Variants in PCDHA11 observed in about 807,000 individuals in gnomAD.
PCDHA11 encodes the protein protocadherin alpha-11.
In PCDHA11, 61 loss-of-function variants were observed where a neutral mutation model predicts 70.3. The observed-to-expected ratio is 0.87, with a 90% CI of 0.71 to 1.07. The LOEUF is 1.07. Ranked by LOEUF, PCDHA11 falls within the 50% of genes least tolerant of loss-of-function variation. PCDHA11 has a pLI of 0.00. For missense variants in PCDHA11, 1,324 were observed against 1,237.5 expected, an observed-to-expected ratio of 1.07 and a Z score of -1.05; for synonymous variants, 633 against 555.1, an observed-to-expected ratio of 1.14 and a Z score of -1.97.
Position 140,999,523 on chromosome 5 carries a change from C to A in PCDHA11, c.2540-10104C>A, listed in dbSNP as rs115576128. On this transcript the variant is annotated intron_variant, in intron 3 of 3. Coordinates refer to ENST00000398640, the MANE Select transcript of PCDHA11 (RefSeq NM_018902.5). ...AACCTACATTTTAAGCATTTTGTTA[C>A]CCCCTGGATATGACAGCCAATGAAG... is the stretch of plus-strand genomic sequence containing the variant. Among the ~76,000 whole-genome samples, 464 of 152,142 alleles carry A rather than the reference C, an allele frequency of 3.0e-3. 6 individuals carry two copies. Among genetic ancestry groups the A allele is most frequent in the Middle Eastern group, 0.01 (3 of 294 alleles).
chr5:140,929,022 C>T (rs17844367), intron 1 of PCDHA11: 4 of 1,614,172 alleles, frequency 2.5e-6, no homozygotes, highest in Admixed American at 3.3e-5. Context: ...TGCACCAGAG[C>T]CCAGGCTGTT....
chr5:140,938,468 A>G (rs1427570517), intron 1 of PCDHA11, among the ~76,000 whole-genome samples: 1 of 152,096 alleles, frequency 6.6e-6, no homozygotes, highest in African/African-American at 2.4e-5. Context: ...TTAATTTATT[A>G]TGTTTTTTAA....
chr5:140,968,125 TAC>T, intron 1 of PCDHA11: 1 of 1,614,174 alleles, frequency 6.2e-7, no homozygotes, highest in Non-Finnish European at 8.5e-7. Context: ...CATCCCTGCG[TAC>T]ACTGAAGGTT....
At chr5:140,880,870 G>T (rs1413243877) in intron 1 of PCDHA11, among the ~76,000 whole-genome samples, 1 of 152,142 alleles carries the variant, frequency 6.6e-6, no homozygotes, top group East Asian at 1.9e-4. Context: ...ATGTGAAGAG[G>T]TAAATAAAGA....
rs782792374 is a variant in PCDHA11, at chr5:140,869,589, T to C, written c.486T>C (p.Ile162=). The C allele has an allele frequency of 2.5e-6, 4 of 1,614,002 alleles. No individual in the cohort carries two copies. The African/African-American group carries it at 4.0e-5, about 16-fold the overall frequency. Residue 162 remains isoleucine, a synonymous_variant, in exon 1 of 4, where the codon ATT becomes ATC. Coordinates refer to ENST00000398640, the MANE Select transcript of PCDHA11 (RefSeq NM_018902.5). ...FPLEGASDAD[I]EENALLTYRL... ...TAGAGGGAGCTTCTGATGCTGACAT[T>C]GAAGAGAATGCTCTATTGACCTACA...
chr5:140,913,471 C>G (rs2076351409), intron 1 of PCDHA11, among the ~76,000 whole-genome samples: 1 of 152,010 alleles, frequency 6.6e-6, no homozygotes, highest in South Asian at 2.1e-4. Context: ...TGGGTCTTCT[C>G]TCTTTTTTTC....
intron 1 of PCDHA11, among the ~76,000 whole-genome samples, chr5:140,890,175 A>G (rs1488442027): frequency 6.6e-6 from 1 of 152,158 alleles, no homozygotes; most frequent in Non-Finnish European, 1.5e-5. Context: ...GAAATAGGCA[A>G]ATGCTACAAA....
chr5:140,922,786 G>A (rs1397049612), intron 1 of PCDHA11, among the ~76,000 whole-genome samples: 2 of 152,198 alleles, frequency 1.3e-5, no homozygotes, highest in African/African-American at 4.8e-5. Context: ...AGAGAAAACT[G>A]TAGCTTTGGA....
At chr5:140,882,300 C>T in intron 1 of PCDHA11, 2 of 1,613,722 alleles carry the variant, frequency 1.2e-6, no homozygotes, top group Non-Finnish European at 1.7e-6. Context: ...GGCCCAAGAC[C>T]GCGGCAACTA....
intron 3 of PCDHA11, chr5:140,988,965 TG>T (rs1227130828): frequency 6.6e-6 from 1 of 152,162 alleles, no homozygotes; most frequent in Non-Finnish European, 1.5e-5. Context: ...AGCCCCACGA[TG>T]GAGAGAAGCA....
intron 1 of PCDHA11, chr5:140,877,591 G>GT: frequency 6.2e-7 from 1 of 1,613,852 alleles, no homozygotes; most frequent in Non-Finnish European, 8.5e-7. Context: ...CATCTGTGCG[G>GT]TGTCCAGCCT....
At position 141,009,636 on chromosome 5, in the gene PCDHA11, C is replaced by T. The variant is rs782321757; in HGVS notation, c.2549C>T (p.Ala850Val). ...ATGTTTTGTCTTTCAGAACCAGAGG[C>T]AGGAGAAGTGTCCCCTCCAGTCGGT... ...TVSSATPEPE[A>V]GEVSPPVGAG... Residue 850 changes from alanine (A) to valine (V), a missense_variant, in exon 4 of 4, where the codon GCA becomes GTA. Physicochemically the swap from Ala to Val is moderately conservative, Grantham distance 64. Transcript: ENST00000398640. 3.7e-6 allele frequency: 6 copies of T among 1,613,192 alleles called. No homozygotes were observed. Among genetic ancestry groups the T allele is most frequent in the Non-Finnish European group, 4.2e-6 (5 of 1,179,532 alleles).
At chr5:140,897,086 T>G (rs527763854) in intron 1 of PCDHA11, among the ~76,000 whole-genome samples, 379 of 152,296 alleles carry the variant, frequency 2.5e-3, no homozygotes, top group African/African-American at 8.4e-3. Context: ...TTCTATTTTT[T>G]ATCCTCATTA....
intron 1 of PCDHA11, among the ~76,000 whole-genome samples, chr5:140,934,631 G>A (rs2089960013): frequency 6.6e-6 from 1 of 151,984 alleles, no homozygotes; most frequent in African/African-American, 2.4e-5. Flanking sequence ...GTTCACACAG[G>A]AAAGGCAGGA....
At chr5:140,907,857 G>C (rs1554193158) in intron 1 of PCDHA11, among the ~76,000 whole-genome samples, 1 of 152,210 alleles carries the variant, frequency 6.6e-6, no homozygotes, top group Non-Finnish European at 1.5e-5. Flanking sequence ...CTCTGCTGAG[G>C]CCAGCCGTTG....
At chr5:140,973,862 A>G (rs1438238778) in intron 1 of PCDHA11, among the ~76,000 whole-genome samples, 2 of 152,196 alleles carry the variant, frequency 1.3e-5, no homozygotes, top group Non-Finnish European at 2.9e-5. Flanking sequence ...TTTGCTCTCA[A>G]TGAGAGGTCA....
At chr5:140,927,970 G>C in intron 1 of PCDHA11, 2 of 1,614,216 alleles carry the variant, frequency 1.2e-6, no homozygotes, top group Non-Finnish European at 1.7e-6. Context: ...CACAGTGATT[G>C]CTCTCTTTAG....
chr5:140,951,863 C>T (rs991949987), intron 1 of PCDHA11, among the ~76,000 whole-genome samples: 10 of 152,096 alleles, frequency 6.6e-5, no homozygotes, highest in Non-Finnish European at 7.3e-5. Flanking sequence ...TCCAAAGTCT[C>T]ATCTGAGACA....
chr5:140,981,465 T>C (rs1226815704), intron 2 of PCDHA11, among the ~76,000 whole-genome samples: 2 of 152,116 alleles, frequency 1.3e-5, no homozygotes, highest in Non-Finnish European at 1.5e-5. Context: ...TCCCAGCTAC[T>C]TGGGAGGCTG....
Sources: gnomAD v4.1 joint callset for allele counts (sites outside exome capture counted in the v4.1 genomes callset) on GRCh38, gnomAD v4.1.1 for gene constraint, MANE v1.5 for transcripts, NCBI Gene and HGNC (gene_info 2026-07-23, HGNC 2026-07-21) for gene names.